USP48: variants seen among roughly 807,000 people sequenced by gnomAD.
USP48 encodes the protein ubiquitin carboxyl-terminal hydrolase 48.
A neutral mutation model predicts 150.7 loss-of-function variants in USP48; 43 were observed. The ratio of observed to expected loss-of-function variants is 0.29; its 90% CI spans 0.22 to 0.37. USP48 has a LOEUF of 0.37. USP48 is among the 10% of genes least tolerant of loss of function. The probability of loss-of-function intolerance (pLI) is 1.00; values close to 1 mark genes in which losing one functional copy is unlikely to be tolerated. For synonymous variants in USP48, 396 were observed against 425.9 expected (o/e 0.93, Z 0.86); for missense variants, 813 against 1,249.6 (o/e 0.65, Z 5.27).
At chr1:21,735,576 C>A (rs888540267) in intron 9 of USP48, among the ~76,000 whole-genome samples, 1 of 152,184 alleles carries the variant, frequency 6.6e-6, no homozygotes, top group African/African-American at 2.4e-5. Flanking sequence ...CACAGTGAAA[C>A]CCTGTCTCTA....
chr1:21,758,287 G>A (rs2097841988), intron 1 of USP48, among the ~76,000 whole-genome samples: 1 of 150,358 alleles, frequency 6.7e-6, no homozygotes, highest in Admixed American at 6.7e-5. Flanking sequence ...ACATTATTAA[G>A]TAAAAAAAGC....
chr1:21,721,102 G>A lies in USP48; in HGVS notation c.1828C>T (p.Leu610=), dbSNP rs1376505028. ...TCTGCATCACCATCTTGCTCATCCA[G>A]CTGTTCAAGAGCTAGCTGGCGCCAA... ...RSWRQLALEQ[L]DEQDGDAEQS... Residue 610 remains leucine (L), a synonymous_variant, in exon 14 of 27, where the codon CTG becomes TTG. Coordinates refer to ENST00000308271, the MANE Select transcript of USP48 (RefSeq NM_032236.8). 1 of 1,614,236 alleles carries A rather than the reference G, an allele frequency of 6.2e-7. No individual in the cohort carries two copies. Among genetic ancestry groups the A allele is most frequent in the Non-Finnish European group, 8.5e-7 (1 of 1,180,046 alleles).
intron 25 of USP48, 65 bp from the exon 26 acceptor site, chr1:21,680,899 T>C (rs1341168794): frequency 1.6e-6 from 2 of 1,279,666 alleles, no homozygotes; most frequent in Admixed American, 2.3e-5. Flanking sequence ...AGTAATATCA[T>C]TTCAATGCTT....
intron 1 of USP48, among the ~76,000 whole-genome samples, chr1:21,774,071 C>T (rs969362431): frequency 2.6e-5 from 4 of 151,824 alleles, no homozygotes; most frequent in African/African-American, 9.7e-5. Flanking sequence ...CCCAGCTACT[C>T]GGGAGGCTGA....
chr1:21,777,972 CAAAAAAAAAAA>C (rs34374350), intron 1 of USP48, among the ~76,000 whole-genome samples: 1 of 118,924 alleles, frequency 8.4e-6, no homozygotes, highest in African/African-American at 3.3e-5. Flanking sequence ...CTAAATATAC[CAAAAAAAAAAA>C]AAAAAAAAAA....
At chr1:21,775,437 T>C (rs1046790216) in intron 1 of USP48, among the ~76,000 whole-genome samples, 1 of 152,074 alleles carries the variant, frequency 6.6e-6, no homozygotes, top group Non-Finnish European at 1.5e-5. Context: ...GCTAATTTAG[T>C]AGAAATGGGT....
Position 21,721,085 on chromosome 1 carries a change from A to G in USP48, c.1845T>C (p.Gly615=). ...LALEQLDEQD[G]DAEQSNGKMN... ...TCTTTCCGTTGCTTTGTTCTGCATC[A>G]CCATCTTGCTCATCCAGCTGTTCAA... is the stretch of plus-strand genomic sequence containing the variant. The change falls in exon 14 of 27, where the codon GGT becomes GGC. Residue 615 remains glycine, a synonymous_variant. Transcript: ENST00000308271. 6.2e-7 allele frequency: 1 copy of G among 1,614,216 alleles called. No individual in the cohort carries two copies. The highest frequency in any genetic ancestry group is 2.2e-5 in the East Asian group (1 of 44,886).
intron 23 of USP48, among the ~76,000 whole-genome samples, chr1:21,694,824 T>A (rs2097621139): frequency 1.3e-5 from 2 of 152,112 alleles, no homozygotes; most frequent in South Asian, 4.1e-4. Context: ...AACCTCAACA[T>A]GTGACAAATT....
intron 11 of USP48, chr1:21,724,358 A>G (rs2152547331): frequency 1.7e-6 from 1 of 593,388 alleles, no homozygotes; most frequent in Non-Finnish European, 3.0e-6. Flanking sequence ...ACCACATTCT[A>G]CAAGAGGCAT....
At position 21,687,092 on chromosome 1, in the gene USP48, G is replaced by A. The variant is rs2097582289; in HGVS notation, c.3058+99C>T. ...ACAATATGTGGAAGCTTTTTTCAAG[G>A]TTCAAAGTAAAAGCACTGTACACTA... On this transcript the variant is annotated intron_variant, in intron 25 of 26. Transcript: ENST00000308271. 4.5e-5 allele frequency: 51 copies of A among 1,138,774 alleles called. No individual in the cohort carries two copies. In the South Asian group the frequency reaches 6.8e-4, roughly 15 times the overall value. 70.5% of individuals were successfully genotyped at this position (1,138,774 alleles called of 1,614,324 possible). A position where few individuals can be genotyped will look rare whatever the true frequency, so the allele number is the denominator to read the frequency against.
intron 11 of USP48, chr1:21,724,767 T>C (rs1346600051): frequency 6.6e-6 from 1 of 152,190 alleles, no homozygotes; most frequent in African/African-American, 2.4e-5. Context: ...TAAAGTACAC[T>C]AGAACTGAGT....
rs761036846 is a variant in USP48 at position 21,782,817 on chromosome 1, G to C, written c.134+7C>G. 76 of 1,542,022 alleles carry C rather than the reference G, an allele frequency of 4.9e-5. No individual in the cohort carries two copies. The highest frequency in any genetic ancestry group is 6.6e-5 in the Non-Finnish European group (76 of 1,145,554). On this transcript the variant is annotated splice_region_variant and intron_variant, in intron 1 of 26. Coordinates refer to ENST00000308271, the MANE Select transcript of USP48 (RefSeq NM_032236.8). Reference sequence around the variant, plus strand: ...GGAGCCCGCGAGGCGCGGTGCGCGGGCCTCACCTGCACACGCCGCGAATGC... The same window carrying C: ...GGAGCCCGCGAGGCGCGGTGCGCGGCCCTCACCTGCACACGCCGCGAATGC...
intron 8 of USP48, among the ~76,000 whole-genome samples, chr1:21,738,149 C>A (rs1251274736): frequency 2.0e-5 from 3 of 151,832 alleles, no homozygotes; most frequent in Non-Finnish European, 4.4e-5. Flanking sequence ...CCTCTGCTTC[C>A]TGGGTTCAAG....
intron 12 of USP48, among the ~76,000 whole-genome samples, chr1:21,722,442 G>A (rs1200654026): frequency 1.3e-5 from 2 of 151,718 alleles, no homozygotes; most frequent in African/African-American, 4.8e-5. Flanking sequence ...GGGAAGCTGA[G>A]GTGGGAGGAC....
rs114556888 is a variant in USP48, at chr1:21,701,536, C to T, written c.2689G>A (p.Ala897Thr). Reference sequence around the variant, plus strand: ...GGATCTTTTTCTCCATCTGGTTTAGCTTCTTCCTTGTCCTCCTCTGTTTCA... The same window carrying T: ...GGATCTTTTTCTCCATCTGGTTTAGTTTCTTCCTTGTCCTCCTCTGTTTCA... ...SSETEEDKEEAKPDGEKDPDF... is the reference protein window; with the variant it reads ...SSETEEDKEETKPDGEKDPDF... Residue 897 changes from alanine to threonine, a missense_variant, in exon 22 of 27, where the codon GCT becomes ACT. Transcript: ENST00000308271. The T allele has an allele frequency of 6.2e-7, 1 of 1,613,936 alleles. No individual in the cohort carries two copies. Among genetic ancestry groups the T allele is most frequent in the Admixed American group, 1.7e-5 (1 of 59,994 alleles).
At chr1:21,711,091 T>C (rs1055463543) in intron 15 of USP48, among the ~76,000 whole-genome samples, 7 of 151,966 alleles carry the variant, frequency 4.6e-5, no homozygotes, top group Admixed American at 2.0e-4. Flanking sequence ...AAAGGAATTA[T>C]TTATATATAT....
chr1:21,704,667 C>T (rs1460579535), intron 19 of USP48: 1 of 276,308 alleles, frequency 3.6e-6, no homozygotes, highest in Non-Finnish European at 6.7e-6. Flanking sequence ...AGTATAAATA[C>T]AGTATGGTGC....
At chr1:21,748,845 A>T (rs542594876) in intron 6 of USP48, among the ~76,000 whole-genome samples, 1 of 152,328 alleles carries the variant, frequency 6.6e-6, no homozygotes, top group East Asian at 1.9e-4. Context: ...CGGGAGGTGG[A>T]GCTTGCAGTA....
intron 24 of USP48, among the ~76,000 whole-genome samples, chr1:21,688,096 T>G (rs550346545): frequency 7.6e-4 from 115 of 152,252 alleles, no homozygotes; most frequent in African/African-American, 2.7e-3. Flanking sequence ...TACCACATGA[T>G]GTGGTGGTAT....
Sources: allele counts gnomAD v4.1 joint callset (sites outside exome capture counted in the v4.1 genomes callset), GRCh38; gene constraint gnomAD v4.1.1; transcripts MANE v1.5; gene names NCBI Gene and HGNC (gene_info 2026-07-23, HGNC 2026-07-21).